The following ARB2A variants were observed in gnomAD, a reference collection of about 807,000 sequenced individuals.
ARB2A encodes cotranscriptional regulator ARB2A.
chr5:93,720,851 A>C, the ARB2A span, among the ~76,000 whole-genome samples: 2 of 152,186 alleles, frequency 1.3e-5, no homozygotes, highest in African/African-American at 4.8e-5. Context: ...TACTTTGTTA[A>C]AAGTCAAATA....
At chr5:93,682,642 A>G in the ARB2A span, among the ~76,000 whole-genome samples, 368 of 152,244 alleles carry the variant, frequency 2.4e-3, 3 homozygotes, top group African/African-American at 8.4e-3. Flanking sequence ...AAACCAAGCA[A>G]AGGGTGGAGT....
the ARB2A span, among the ~76,000 whole-genome samples, chr5:94,108,840 T>C: frequency 1.3e-5 from 2 of 152,058 alleles, no homozygotes; most frequent in African/African-American, 4.8e-5. Flanking sequence ...TGGAAAAGAG[T>C]GTGTCAATTC....
chr5:93,642,620 C>T, the ARB2A span, among the ~76,000 whole-genome samples: 18 of 152,158 alleles, frequency 1.2e-4, no homozygotes, highest in South Asian at 2.9e-3. Context: ...GTAATCTGCC[C>T]GCCTTGGGAT....
At chr5:93,949,323 G>A in the ARB2A span, among the ~76,000 whole-genome samples, 1 of 151,894 alleles carries the variant, frequency 6.6e-6, no homozygotes, top group African/African-American at 2.4e-5. Flanking sequence ...AGCACTTTGG[G>A]AGGCCGAGAC....
At chr5:93,980,050 T>G in the ARB2A span, among the ~76,000 whole-genome samples, 1 of 152,160 alleles carries the variant, frequency 6.6e-6, no homozygotes, top group Non-Finnish European at 1.5e-5. Context: ...TTATTGTTGT[T>G]GCTTTATATA....
chr5:93,913,926 T>C, the ARB2A span, among the ~76,000 whole-genome samples: 5 of 152,086 alleles, frequency 3.3e-5, no homozygotes, highest in African/African-American at 1.2e-4. Context: ...AATAATACAA[T>C]AGACAGAGCT....
chr5:94,030,388 T>C, the ARB2A span, among the ~76,000 whole-genome samples: 1 of 152,306 alleles, frequency 6.6e-6, no homozygotes, highest in South Asian at 2.1e-4. Flanking sequence ...TTATTGTAGT[T>C]GTAGGACTGA....
chr5:94,036,916 A>AT, the ARB2A span, among the ~76,000 whole-genome samples: 1 of 151,994 alleles, frequency 6.6e-6, no homozygotes, highest in South Asian at 2.1e-4. Flanking sequence ...GTTTTATTTC[A>AT]TTTTTTGCAT....
the ARB2A span, among the ~76,000 whole-genome samples, chr5:94,088,880 T>C: frequency 9.2e-5 from 14 of 152,308 alleles, no homozygotes; most frequent in Non-Finnish European, 1.8e-4. Flanking sequence ...AGGCTGAGAA[T>C]TCAATTCAGA....
the ARB2A span, among the ~76,000 whole-genome samples, chr5:93,663,079 C>T: frequency 2.6e-5 from 4 of 152,118 alleles, no homozygotes; most frequent in African/African-American, 7.2e-5. Flanking sequence ...GACTCAATCA[C>T]CCCACAAAAT....
the ARB2A span, chr5:93,683,689 C>G: frequency 3.2e-5 from 52 of 1,610,340 alleles, no homozygotes; most frequent in Non-Finnish European, 4.4e-5. Flanking sequence ...CCTCAGGGGG[C>G]TCATGTCCAT....
the ARB2A span, among the ~76,000 whole-genome samples, chr5:93,728,174 G>GT: frequency 5.3e-5 from 8 of 150,772 alleles, no homozygotes; most frequent in South Asian, 4.2e-4. Flanking sequence ...AAGGTGGTTG[G>GT]TTTTTTTTTG....
chr5:93,921,577 T>C, the ARB2A span, among the ~76,000 whole-genome samples: 3 of 151,728 alleles, frequency 2.0e-5, no homozygotes, highest in Non-Finnish European at 4.4e-5. Context: ...CAGACAAAAG[T>C]GCCCAATTCT....
At chr5:93,831,745 AG>A in the ARB2A span, among the ~76,000 whole-genome samples, 1 of 152,308 alleles carries the variant, frequency 6.6e-6, no homozygotes, top group Non-Finnish European at 1.5e-5. Flanking sequence ...AAGAACCAAC[AG>A]TTGTTTCTAC....
At chr5:93,821,483 G>A in the ARB2A span, among the ~76,000 whole-genome samples, 1 of 152,040 alleles carries the variant, frequency 6.6e-6, no homozygotes, top group Non-Finnish European at 1.5e-5. Context: ...TTACTTGCTT[G>A]TAAAGTTAAT....
the ARB2A span, among the ~76,000 whole-genome samples, chr5:93,847,591 G>A: frequency 1.3e-5 from 2 of 151,776 alleles, no homozygotes; most frequent in Admixed American, 1.3e-4. Context: ...TTAAGGGGAG[G>A]GACTATATCT....
the ARB2A span, among the ~76,000 whole-genome samples, chr5:93,848,175 G>C: frequency 2.0e-5 from 3 of 152,144 alleles, no homozygotes; most frequent in Non-Finnish European, 4.4e-5. Context: ...ACAAGGTCAA[G>C]AGATTGAGAC....
chr5:93,992,338 A>T, the ARB2A span, among the ~76,000 whole-genome samples: 3 of 152,080 alleles, frequency 2.0e-5, no homozygotes, highest in Non-Finnish European at 4.4e-5. Context: ...ATACAATGTT[A>T]TAAGGCTCTC....
At chr5:94,102,050 A>G in the ARB2A span, among the ~76,000 whole-genome samples, 645 of 152,026 alleles carry the variant, frequency 4.2e-3, 4 homozygotes, top group Non-Finnish European at 7.1e-3. Context: ...CCTCCTGAAA[A>G]TTAGCTTTAA....
Sources: allele counts gnomAD v4.1 joint callset (sites outside exome capture counted in the v4.1 genomes callset), GRCh38; gene constraint gnomAD v4.1.1; transcripts MANE v1.5; gene names NCBI Gene and HGNC (gene_info 2026-07-23, HGNC 2026-07-21).